WWOX: variants seen among roughly 807,000 people sequenced by gnomAD.
The protein encoded by WWOX is WW domain-containing oxidoreductase.
Under a neutral mutation model 46.2 loss-of-function variants are expected in WWOX, and 69 were observed. The ratio of observed to expected loss-of-function variants is 1.49; its 90% CI spans 1.23 to 1.82. The LOEUF (loss-of-function observed/expected upper bound fraction) is 1.82, where lower values mean the gene tolerates loss of function less well. Among genes scored for constraint, WWOX ranks in the 40% most tolerant of loss-of-function variants. The pLI is 0.00. For synonymous variants in WWOX, 359 were observed against 202.6 expected (o/e 1.77, Z -6.56); for missense variants, 919 against 542.6 (o/e 1.69, Z -6.89).
chr16:79,031,770 T>A (rs1168672504), intron 8 of WWOX, among the ~76,000 whole-genome samples: 2 of 143,866 alleles, frequency 1.4e-5, no homozygotes, highest in African/African-American at 5.1e-5. Flanking sequence ...ATATATATAA[T>A]ATATAGAAAG....
At chr16:78,759,679 A>G (rs1363304069) in intron 8 of WWOX, among the ~76,000 whole-genome samples, 1 of 152,336 alleles carries the variant, frequency 6.6e-6, no homozygotes, top group Middle Eastern at 3.4e-3. Context: ...CTGGAATTTG[A>G]ACATGAGACT....
At chr16:78,327,182 A>T (rs2080643668) in intron 5 of WWOX, among the ~76,000 whole-genome samples, 1 of 152,168 alleles carries the variant, frequency 6.6e-6, no homozygotes, top group African/African-American at 2.4e-5. Flanking sequence ...AGTGGCAGCG[A>T]TGGGACCAAA....
intron 6 of WWOX, among the ~76,000 whole-genome samples, chr16:78,398,265 C>T (rs1406049465): frequency 6.6e-6 from 1 of 152,142 alleles, no homozygotes; most frequent in Non-Finnish European, 1.5e-5. Flanking sequence ...GGATCTGATC[C>T]CTTCTCCCAT....
intron 8 of WWOX, among the ~76,000 whole-genome samples, chr16:78,832,421 T>A (rs760316847): frequency 1.4e-4 from 22 of 152,184 alleles, no homozygotes; most frequent in Non-Finnish European, 2.6e-4. Context: ...TTCTATTGAT[T>A]AGAAGAATAC....
intron 8 of WWOX, among the ~76,000 whole-genome samples, chr16:79,044,391 C>G (rs1168843848): frequency 6.6e-6 from 1 of 152,158 alleles, no homozygotes; most frequent in African/African-American, 2.4e-5. Context: ...GTGGATTTCT[C>G]ATGAATGGTT....
intron 8 of WWOX, chr16:79,204,653 C>A (rs1597475222): frequency 6.6e-6 from 1 of 152,228 alleles, no homozygotes; most frequent in African/African-American, 2.4e-5. Flanking sequence ...AACACAGGCC[C>A]TGAGAGCGTA....
At chr16:79,116,367 C>G (rs79315001) in intron 8 of WWOX, among the ~76,000 whole-genome samples, 1 of 152,340 alleles carries the variant, frequency 6.6e-6, no homozygotes, top group East Asian at 1.9e-4. Context: ...AAAGTGGAAT[C>G]AGTTCTCTCA....
chr16:78,537,765 C>G (rs1180459794), intron 8 of WWOX, among the ~76,000 whole-genome samples: 1 of 152,022 alleles, frequency 6.6e-6, no homozygotes, highest in Non-Finnish European at 1.5e-5. Context: ...GATTTGGCAG[C>G]TGGTTTTGTC....
chr16:78,235,564 G>A (rs1038371820), intron 5 of WWOX, among the ~76,000 whole-genome samples: 13 of 152,226 alleles, frequency 8.5e-5, no homozygotes, highest in Non-Finnish European at 1.6e-4. Flanking sequence ...TGCATCTTCA[G>A]CGTGGCTTCA....
At chr16:79,186,710 A>G (rs2051022637) in intron 8 of WWOX, among the ~76,000 whole-genome samples, 1 of 152,108 alleles carries the variant, frequency 6.6e-6, no homozygotes, top group African/African-American at 2.4e-5. Flanking sequence ...TAAACAGTAC[A>G]GTTGCCATAC....
chr16:78,714,953 C>G (rs7188117), intron 8 of WWOX, among the ~76,000 whole-genome samples: 69,650 of 151,904 alleles, frequency 0.46, 16,761 homozygotes, highest in African/African-American at 0.61. Context: ...GATATAATAT[C>G]ATGCGGCTGA....
intron 4 of WWOX, among the ~76,000 whole-genome samples, chr16:78,116,351 C>G (rs1022159105): frequency 1.3e-5 from 2 of 152,114 alleles, no homozygotes; most frequent in African/African-American, 4.8e-5. Context: ...TAGGGAGGCA[C>G]AGGAGGTAAA....
At chr16:78,562,493 G>C (rs1309010562) in intron 8 of WWOX, among the ~76,000 whole-genome samples, 1 of 152,186 alleles carries the variant, frequency 6.6e-6, no homozygotes, top group Non-Finnish European at 1.5e-5. Context: ...CCAGGTTCAT[G>C]GAGGTACCCA....
At chr16:78,218,022 T>G (rs1165296873) in intron 5 of WWOX, among the ~76,000 whole-genome samples, 1 of 152,078 alleles carries the variant, frequency 6.6e-6, no homozygotes, top group Non-Finnish European at 1.5e-5. Flanking sequence ...TTTTTTACTT[T>G]CCCTCTCCCT....
intron 4 of WWOX, among the ~76,000 whole-genome samples, chr16:78,137,215 C>T (rs2151703244): frequency 6.6e-6 from 1 of 152,280 alleles, no homozygotes; most frequent in African/African-American, 2.4e-5. Flanking sequence ...ATTATGACGC[C>T]TTGGGAAATA....
chr16:78,432,701 G>A lies in WWOX; in HGVS notation c.1005G>A (p.Trp335Ter), dbSNP rs730880290. Residue 335 changes from tryptophan (W) to a stop codon, truncating the protein, a stop_gained, in exon 8 of 9, where the codon TGG becomes TGA. Transcript: ENST00000566780. LOFTEE classifies it high-confidence loss of function. ...NMMYSNIHRS[W>*]WVYTLLFTLA... The stretch of plus-strand genomic sequence containing the variant: ...TGTACTCCAACATTCATCGCAGCTG[G>A]TGGGTGTACACACTGCTGTTTACCT... The A allele has an allele frequency of 6.2e-7, 1 of 1,614,218 alleles. No homozygotes were observed. The highest frequency in any genetic ancestry group is 1.1e-5 in the South Asian group (1 of 91,088).
At chr16:78,521,848 C>G (rs1256705055) in intron 8 of WWOX, among the ~76,000 whole-genome samples, 2 of 151,640 alleles carry the variant, frequency 1.3e-5, no homozygotes, top group Non-Finnish European at 2.9e-5. Flanking sequence ...TGAAAAATGA[C>G]TTGTGTGTGG....
chr16:79,127,042 G>T (rs1402218537), intron 8 of WWOX, among the ~76,000 whole-genome samples: 2 of 151,342 alleles, frequency 1.3e-5, no homozygotes, highest in African/African-American at 2.4e-5. Flanking sequence ...TTTAAATTAG[G>T]ATTAAAAAAT....
intron 8 of WWOX, among the ~76,000 whole-genome samples, chr16:79,118,262 G>A (rs2049558721): frequency 6.6e-6 from 1 of 152,210 alleles, no homozygotes; most frequent in African/African-American, 2.4e-5. Flanking sequence ...GAAAGAGAAG[G>A]AGAACAGCAG....
Sources: gnomAD v4.1 joint callset for allele counts (sites outside exome capture counted in the v4.1 genomes callset) on GRCh38, gnomAD v4.1.1 for gene constraint, MANE v1.5 for transcripts, NCBI Gene and HGNC (gene_info 2026-07-23, HGNC 2026-07-21) for gene names.